The following PWWP2A variants were observed in gnomAD, a reference collection of about 807,000 sequenced individuals.
PWWP2A encodes PWWP domain-containing protein 2A.
In PWWP2A, 18 loss-of-function variants were observed where a neutral mutation model predicts 48.5. The observed-to-expected ratio is 0.37, with a 90% CI of 0.26 to 0.55. The LOEUF (loss-of-function observed/expected upper bound fraction) is 0.55, where lower values mean the gene tolerates loss of function less well. Among genes scored for constraint, PWWP2A ranks in the 20% least tolerant of loss-of-function variants. The pLI is 0.81. For synonymous variants in PWWP2A, 396 were observed against 387.7 expected (o/e 1.02, Z -0.25); for missense variants, 867 against 976.4 (o/e 0.89, Z 1.49).
At chr5:160,104,122 CAAAAA>C (rs70990703) in intron 1 of PWWP2A, among the ~76,000 whole-genome samples, 1 of 61,764 alleles carries the variant, frequency 1.6e-5, no homozygotes, top group Non-Finnish European at 2.9e-5. Flanking sequence ...GACTCTGTCT[CAAAAA>C]AAAAAAAAAA....
downstream of PWWP2A, chr5:160,090,413 CAA>C: frequency 1.0e-6 from 1 of 983,424 alleles, no homozygotes; most frequent in Non-Finnish European, 1.2e-6. Flanking sequence ...TAATCTGAAA[CAA>C]ATACTTGGAA....
At position 160,092,341 on chromosome 5, in the gene PWWP2A, G is replaced by A. The variant is rs1327397499; in HGVS notation, c.*41C>T. ...TATTCCTAACTAGACTAGAAAATCT[G>A]TGGTGACTTCCAATGGTCTTGCCTA... On this transcript the variant is annotated 3_prime_UTR_variant, in exon 2 of 2. Transcript: ENST00000307063. 3 of 1,481,928 alleles carry A rather than the reference G, an allele frequency of 2.0e-6. No homozygotes were observed. The highest frequency in any genetic ancestry group is 2.7e-5 in the Admixed American group (1 of 37,486). The allele number at this position is 1,481,928 out of a possible 1,614,324, so 91.8% of individuals were successfully genotyped here. A position where few individuals can be genotyped will look rare whatever the true frequency, so the allele number is the denominator to read the frequency against.
chr5:160,074,013 C>T (rs1212593165), downstream of PWWP2A, among the ~76,000 whole-genome samples: 2 of 149,202 alleles, frequency 1.3e-5, no homozygotes, highest in Admixed American at 1.3e-4. Context: ...TGCAGTGAGC[C>T]GAGATCGTGC....
chr5:160,085,278 C>G (rs1043760357), intron 2 of PWWP2A, among the ~76,000 whole-genome samples: 6 of 152,068 alleles, frequency 3.9e-5, no homozygotes, highest in African/African-American at 1.4e-4. Context: ...GGATTACAGG[C>G]ATGAGCCACT....
rs992830440 is a variant in PWWP2A, at chr5:160,092,370, T to C, written c.*12A>G. On this transcript the variant is annotated 3_prime_UTR_variant, in exon 2 of 2. Coordinates refer to ENST00000307063, the MANE Select transcript of PWWP2A (RefSeq NM_001130864.2). ...TGACTTCCAATGGTCTTGCCTACCTTACTGCCCATGTTCACGTTTCAAACT... is the reference window on the plus strand; with the variant it reads ...TGACTTCCAATGGTCTTGCCTACCTCACTGCCCATGTTCACGTTTCAAACT... The C allele has an allele frequency of 1.3e-6, 2 of 1,525,946 alleles. No individual in the cohort carries two copies. Among genetic ancestry groups the C allele is most frequent in the African/African-American group, 2.8e-5 (2 of 71,468 alleles). 94.5% of individuals were successfully genotyped at this position (1,525,946 alleles called of 1,614,324 possible). A position where few individuals can be genotyped will look rare whatever the true frequency, so the allele number is the denominator to read the frequency against.
At chr5:160,118,088 T>A (rs1758318597) in intron 1 of PWWP2A, among the ~76,000 whole-genome samples, 1 of 152,160 alleles carries the variant, frequency 6.6e-6, no homozygotes, top group Non-Finnish European at 1.5e-5. Flanking sequence ...ATAAACTGAA[T>A]CCCAGGTGTT....
chr5:160,116,435 G>A (rs947547002), intron 1 of PWWP2A, among the ~76,000 whole-genome samples: 1 of 152,010 alleles, frequency 6.6e-6, no homozygotes, highest in African/African-American at 2.4e-5. Context: ...CAGCCTGTGC[G>A]GCAGAGCAAG....
chr5:160,075,405 T>C (rs1753844743), downstream of PWWP2A, among the ~76,000 whole-genome samples: 3 of 152,202 alleles, frequency 2.0e-5, no homozygotes, highest in African/African-American at 7.2e-5. Flanking sequence ...TCCTGTGAAC[T>C]GTCTGTAGGT....
At chr5:160,068,180 CAAAAAAT>C (rs1449995568) in intron 2 of PWWP2A, among the ~76,000 whole-genome samples, 2 of 152,118 alleles carry the variant, frequency 1.3e-5, no homozygotes, top group Non-Finnish European at 2.9e-5. Context: ...GCCTCCATCT[CAAAAAAT>C]AAAAAGTTCT....
chr5:160,049,220 A>G, the PWWP2A span, among the ~76,000 whole-genome samples: 1 of 152,232 alleles, frequency 6.6e-6, no homozygotes, highest in African/African-American at 2.4e-5. Flanking sequence ...GTGTCCATAA[A>G]TAGTTTATTG....
chr5:160,054,613 G>C, the PWWP2A span, among the ~76,000 whole-genome samples: 1 of 143,870 alleles, frequency 7.0e-6, no homozygotes, highest in Non-Finnish European at 1.5e-5. Flanking sequence ...AACAAAAAAA[G>C]AAAGAAAAAA....
chr5:160,080,865 A>T, intron 2 of PWWP2A: 1 of 1,093,636 alleles, frequency 9.1e-7, no homozygotes, highest in Non-Finnish European at 1.3e-6. Flanking sequence ...TAAGACCAAA[A>T]TTCAGGTGAA....
At chr5:160,089,382 C>A, downstream of PWWP2A, 1 of 364,670 alleles carries the variant, frequency 2.7e-6, no homozygotes, top group East Asian at 9.7e-5. Context: ...TTTTATTTTT[C>A]TGCAGAGATG....
At chr5:160,084,619 C>CA (rs1754483849) in intron 2 of PWWP2A, among the ~76,000 whole-genome samples, 1 of 151,622 alleles carries the variant, frequency 6.6e-6, no homozygotes, top group Non-Finnish European at 1.5e-5. Flanking sequence ...TTTGTAGAGA[C>CA]AGAGTTTCAC....
At chr5:160,067,145 T>C (rs1473425707) in intron 2 of PWWP2A, among the ~76,000 whole-genome samples, 1 of 152,214 alleles carries the variant, frequency 6.6e-6, no homozygotes, top group African/African-American at 2.4e-5. Context: ...CTTTAATGCA[T>C]GGCTTGATAG....
intron 1 of PWWP2A, chr5:160,108,566 T>A: frequency 7.8e-7 from 1 of 1,287,372 alleles, no homozygotes; most frequent in African/African-American, 1.5e-5. Flanking sequence ...AATGGCTGTA[T>A]ATTTTTCCCA....
At chr5:160,071,966 T>C (rs1753749717), downstream of PWWP2A, among the ~76,000 whole-genome samples, 1 of 152,192 alleles carries the variant, frequency 6.6e-6, no homozygotes, top group Non-Finnish European at 1.5e-5. Flanking sequence ...TACATACCCA[T>C]ACAATCTTAG....
chr5:160,100,257 C>T (rs569459562), intron 1 of PWWP2A, among the ~76,000 whole-genome samples: 2 of 152,110 alleles, frequency 1.3e-5, no homozygotes, highest in South Asian at 4.1e-4. Context: ...GTCAAAATAT[C>T]GCACCACTGC....
the PWWP2A span, among the ~76,000 whole-genome samples, chr5:160,055,937 A>G: frequency 6.6e-6 from 1 of 152,220 alleles, no homozygotes; most frequent in Non-Finnish European, 1.5e-5. Context: ...TATTTGGACA[A>G]GTTGCCACTG....
Sources: gnomAD v4.1 joint callset for allele counts (sites outside exome capture counted in the v4.1 genomes callset) on GRCh38, gnomAD v4.1.1 for gene constraint, MANE v1.5 for transcripts, NCBI Gene and HGNC (gene_info 2026-07-23, HGNC 2026-07-21) for gene names.